Variants in RSPO4 observed in about 807,000 individuals in gnomAD.
RSPO4 encodes R-spondin-4.
RSPO4 carries 23 observed loss-of-function variants against 24.8 expected under a neutral mutation model. The observed-to-expected ratio is 0.93, with a 90% CI of 0.67 to 1.31. The LOEUF (loss-of-function observed/expected upper bound fraction) is 1.31, where lower values mean the gene tolerates loss of function less well. RSPO4 is among the 40% of genes most tolerant of loss of function. RSPO4 has a pLI of 0.00. For synonymous variants in RSPO4, 141 were observed against 127.4 expected, an observed-to-expected ratio of 1.11 and a Z score of -0.72; for missense variants, 333 against 316.5, an observed-to-expected ratio of 1.05 and a Z score of -0.39.
chr20:982,147 C>T (rs942448307), intron 1 of RSPO4, among the ~76,000 whole-genome samples: 2 of 152,102 alleles, frequency 1.3e-5, no homozygotes. Context: ...CAGATGAGTT[C>T]GGGACCGGGG....
At chr20:985,356 CCATT>C (rs1984886713) in intron 1 of RSPO4, among the ~76,000 whole-genome samples, 1 of 152,120 alleles carries the variant, frequency 6.6e-6, no homozygotes, top group African/African-American at 2.4e-5. Flanking sequence ...GTCCATCCAT[CCATT>C]CAGCAGATAT....
intron 1 of RSPO4, among the ~76,000 whole-genome samples, chr20:988,842 C>T (rs908126266): frequency 1.3e-5 from 2 of 152,288 alleles, no homozygotes; most frequent in African/African-American, 2.4e-5. Context: ...AGAGCCACTG[C>T]GCCCAGCCAG....
At chr20:976,909 A>C (rs1418052252) in intron 1 of RSPO4, among the ~76,000 whole-genome samples, 1 of 152,192 alleles carries the variant, frequency 6.6e-6, no homozygotes, top group Non-Finnish European at 1.5e-5. Flanking sequence ...AAAAGTCAGA[A>C]CATCTACCAA....
At chr20:986,001 CCAATTTCCTGT>C (rs1387193967) in intron 1 of RSPO4, among the ~76,000 whole-genome samples, 2 of 152,228 alleles carry the variant, frequency 1.3e-5, no homozygotes, top group African/African-American at 2.4e-5. Context: ...CACCATTTGA[CCAATTTCCTGT>C]CAATTTCCTA....
At chr20:967,078 A>C in intron 3 of RSPO4, 96 bp downstream of exon 3, 1 of 1,246,540 alleles carries the variant, frequency 8.0e-7, no homozygotes, top group Non-Finnish European at 1.1e-6. Flanking sequence ...ATGGCATTCT[A>C]CTGTAATTTC....
chr20:960,108 G>A lies in RSPO4; in HGVS notation c.*249C>T, dbSNP rs1450502342. The A allele has an allele frequency of 8.8e-6, 5 of 570,708 alleles. No individual in the cohort carries two copies. Among genetic ancestry groups the A allele is most frequent in the Non-Finnish European group, 1.2e-5 (4 of 320,398 alleles). The allele number at this position is 570,708 out of a possible 1,614,324, so 35.4% of individuals were successfully genotyped here. ...AGAAAAGGAAAGATAAAAGATAAGTGAGAAAGAAGAGGAAGGAAGGGAAGG... is the reference window on the plus strand; with the variant it reads ...AGAAAAGGAAAGATAAAAGATAAGTAAGAAAGAAGAGGAAGGAAGGGAAGG... On this transcript the variant is annotated 3_prime_UTR_variant, in exon 5 of 5. Transcript: ENST00000217260.
intron 1 of RSPO4, among the ~76,000 whole-genome samples, chr20:971,217 AACAGCAGCTCCTAG>A (rs1401643552): frequency 6.6e-6 from 1 of 152,262 alleles, no homozygotes; most frequent in Non-Finnish European, 1.5e-5. Flanking sequence ...TCTGGCGCAC[AACAGCAGCTCCTAG>A]AGAGCTTGTT....
intron 1 of RSPO4, among the ~76,000 whole-genome samples, chr20:997,270 C>T (rs541399828): frequency 2.6e-5 from 4 of 152,260 alleles, no homozygotes; most frequent in South Asian, 2.1e-4. Context: ...GGATGGTTTC[C>T]GTCCACAGGA....
At chr20:983,123 T>C (rs947459719) in intron 1 of RSPO4, among the ~76,000 whole-genome samples, 1 of 152,222 alleles carries the variant, frequency 6.6e-6, no homozygotes, top group African/African-American at 2.4e-5. Flanking sequence ...GTTTTGAAGT[T>C]TGTTCTGCAA....
In RSPO4 at chr20:959,082, C is replaced by G. The variant is rs58158356; in HGVS notation, c.*1275G>C. Reference sequence around the variant, plus strand: ...TCAAGTCACTGGTGGTGGGTGTGGGCGAGTGTGGTGGTGGGTGTGGGGGAG... The same window carrying G: ...TCAAGTCACTGGTGGTGGGTGTGGGGGAGTGTGGTGGTGGGTGTGGGGGAG... On this transcript the variant is annotated 3_prime_UTR_variant, in exon 5 of 5. Transcript: ENST00000217260. 2,588 of 117,188 alleles carry G rather than the reference C, an allele frequency of 0.022. 25 individuals are homozygous for G. The highest frequency in any genetic ancestry group is 0.04 in the African/African-American group (1,004 of 25,078). 7.3% of individuals were successfully genotyped at this position (117,188 alleles called of 1,614,324 possible).
At chr20:991,487 CAAA>C (rs1347418534) in intron 1 of RSPO4, among the ~76,000 whole-genome samples, 1 of 151,444 alleles carries the variant, frequency 6.6e-6, no homozygotes, top group Non-Finnish European at 1.5e-5. Context: ...GGAAGCCCTA[CAAA>C]TTGACAAGAA....
In RSPO4 at chr20:1,002,005, A is replaced by C. The variant is rs1393967012; in HGVS notation, c.79+81T>G. On this transcript the variant is annotated intron_variant, in intron 1 of 4. Transcript: ENST00000217260. The surrounding 1 kb of genome is among the most constrained non-coding windows in gnomAD (Gnocchi z 4.6). ...CGCCAGGCACCAGGCAGATGCCCCCAGAGCCGCCGCCCCCGGTCCTCCGGC... is the reference window on the plus strand; with the variant it reads ...CGCCAGGCACCAGGCAGATGCCCCCCGAGCCGCCGCCCCCGGTCCTCCGGC... The C allele has an allele frequency of 8.0e-7, 1 of 1,255,506 alleles. No homozygotes were observed. The highest frequency in any genetic ancestry group is 1.1e-6 in the Non-Finnish European group (1 of 890,654). 77.8% of individuals were successfully genotyped at this position (1,255,506 alleles called of 1,614,324 possible).
intron 1 of RSPO4, among the ~76,000 whole-genome samples, chr20:1,000,441 AG>A (rs1985426315): frequency 6.6e-6 from 1 of 152,186 alleles, no homozygotes; most frequent in Non-Finnish European, 1.5e-5. Context: ...AATACTTACG[AG>A]CACCCATTAG....
At chr20:960,572 A>C in intron 4 of RSPO4, 106 bp from the exon 5 acceptor site, 52 of 791,386 alleles carry the variant, frequency 6.6e-5, no homozygotes, top group Non-Finnish European at 1.0e-4. Flanking sequence ...CTCCCCAACA[A>C]CGGGGCTCAG....
chr20:967,158 G>A lies in RSPO4; in HGVS notation c.409+16C>T, dbSNP rs766923525. The A allele has an allele frequency of 1.2e-6, 2 of 1,611,674 alleles. No individual in the cohort carries two copies. The highest frequency in any genetic ancestry group is 1.7e-5 in the Admixed American group (1 of 59,996). On this transcript the variant is annotated intron_variant, in intron 3 of 4. Transcript: ENST00000217260. The stretch of plus-strand genomic sequence containing the variant: ...GAGGGGAGGGGCAGGGGCAGGGCGG[G>A]GAGGTCCCCACTCACCCTGGCACTC...
At chr20:992,500 C>T (rs888862534) in intron 1 of RSPO4, among the ~76,000 whole-genome samples, 3 of 152,024 alleles carry the variant, frequency 2.0e-5, no homozygotes, top group African/African-American at 4.8e-5. Context: ...ACATCAGGCT[C>T]GAACGTTCTG....
chr20:992,161 A>C (rs1407789602), intron 1 of RSPO4, among the ~76,000 whole-genome samples: 1 of 151,858 alleles, frequency 6.6e-6, no homozygotes, highest in Non-Finnish European at 1.5e-5. Flanking sequence ...TCATTTATGC[A>C]TTTGTAATGT....
chr20:992,263 CTTTTTTTT>C (rs35286852), intron 1 of RSPO4, among the ~76,000 whole-genome samples: 11 of 123,502 alleles, frequency 8.9e-5, no homozygotes, highest in African/African-American at 3.7e-4. Context: ...GGTCCACTTT[CTTTTTTTT>C]TTTTTTTTTT....
chr20:968,321 T>G (rs1477450535), intron 1 of RSPO4, among the ~76,000 whole-genome samples, 183 bp from the exon 2 acceptor site: 2 of 152,184 alleles, frequency 1.3e-5, no homozygotes, highest in African/African-American at 4.8e-5. Context: ...ATCTGGCCAA[T>G]CAGATGTAAG....
Sources: gnomAD v4.1 joint callset for allele counts (sites outside exome capture counted in the v4.1 genomes callset) on GRCh38, gnomAD v4.1.1 for gene constraint, Gnocchi (gnomAD v3.1) non-coding constraint, MANE v1.5 for transcripts, NCBI Gene and HGNC (gene_info 2026-07-23, HGNC 2026-07-21) for gene names.